POMT2: variants seen among roughly 807,000 people sequenced by gnomAD.
POMT2 encodes protein O-mannosyl-transferase 2.
A neutral mutation model predicts 100.0 loss-of-function variants in POMT2; 75 were observed. The ratio of observed to expected loss-of-function variants is 0.75; its 90% CI spans 0.62 to 0.91. The LOEUF is 0.91. Ranked by LOEUF, POMT2 falls within the 40% of genes least tolerant of loss-of-function variation. The pLI is 0.00. For missense variants in POMT2, 940 were observed against 955.1 expected (o/e 0.98, Z 0.21); for synonymous variants, 378 against 374.1 (o/e 1.01, Z -0.12).
chr14:77,285,448 C>G (rs1414892777), intron 13 of POMT2, 33 bp downstream of exon 13: 1 of 1,613,774 alleles, frequency 6.2e-7, no homozygotes, highest in African/African-American at 1.3e-5. Context: ...AATCAGGACC[C>G]TCGATTGGGA....
chr14:77,300,932 G>A (rs2139479546), intron 6 of POMT2, 158 bp downstream of exon 6: 1 of 1,366,538 alleles, frequency 7.3e-7, no homozygotes. Flanking sequence ...CCCACTCCCT[G>A]ATGTCCTGCT....
At chr14:77,313,807 A>C (rs191348874) in intron 1 of POMT2, among the ~76,000 whole-genome samples, 1 of 152,298 alleles carries the variant, frequency 6.6e-6, no homozygotes, top group Admixed American at 6.5e-5. Flanking sequence ...TCCCGGGTTC[A>C]AGCGATTCTC....
intron 9 of POMT2, among the ~76,000 whole-genome samples, chr14:77,292,976 TG>T (rs1430272025): frequency 1.3e-5 from 2 of 152,210 alleles, no homozygotes; most frequent in Non-Finnish European, 2.9e-5. Context: ...ATCCCCCCGA[TG>T]CATGACTGTA....
rs765701628 is a variant in POMT2, at chr14:77,306,755, C to T, written c.334-314G>A. 10 of 352,526 alleles carry T rather than the reference C, an allele frequency of 2.8e-5. No individual in the cohort carries two copies. The East Asian group carries it at 2.9e-4, about 10-fold the overall frequency. 21.8% of individuals were successfully genotyped at this position (352,526 alleles called of 1,614,324 possible). A position where few individuals can be genotyped will look rare whatever the true frequency, so the allele number is the denominator to read the frequency against. On this transcript the variant is annotated intron_variant, in intron 2 of 20. Coordinates refer to ENST00000261534, the MANE Select transcript of POMT2 (RefSeq NM_013382.7). ...GAGTCAGTAAGGGGCTCTCTGATTC[C>T]GCTTTCCTTCAGATGGTATAAAATA...
Position 77,304,748 on chromosome 14 carries a change from A to C in POMT2, c.491T>G (p.Leu164Arg). 1 of 1,601,698 alleles carries C rather than the reference A, an allele frequency of 6.2e-7. No homozygotes were observed. Residue 164 changes from leucine (L) to arginine (R), a missense_variant, in exon 4 of 21, where the codon CTG becomes CGG. Leu to Arg is a moderately radical substitution (Grantham distance 102). Coordinates refer to ENST00000261534, the MANE Select transcript of POMT2 (RefSeq NM_013382.7). ...WLVPFAYLTV[L>R]DLSKSLSAAL... ...TGCCGAGAGGGACTTGGACAGATCC[A>C]GTACAGTGAGGTAGGCAAAGGGGAC...
At chr14:77,293,882 A>T (rs942984068) in intron 9 of POMT2, among the ~76,000 whole-genome samples, 3 of 151,560 alleles carry the variant, frequency 2.0e-5, no homozygotes, top group Non-Finnish European at 4.4e-5. Context: ...CCAGGTCTGT[A>T]ACTGTAGTGT....
chr14:77,280,997 G>C (rs890524376), intron 15 of POMT2, among the ~76,000 whole-genome samples: 1 of 152,090 alleles, frequency 6.6e-6, no homozygotes, highest in Non-Finnish European at 1.5e-5. Context: ...GGGAGGCTGA[G>C]GCAGGAGAAC....
chr14:77,279,236 TGAGGATG>T, intron 18 of POMT2: 1 of 388,064 alleles, frequency 2.6e-6, no homozygotes, highest in South Asian at 2.1e-5. Context: ...AGGTTACAGG[TGAGGATG>T]GAGTGAGGAG....
At chr14:77,282,365 C>T (rs1405651520) in intron 15 of POMT2, among the ~76,000 whole-genome samples, 2 of 152,186 alleles carry the variant, frequency 1.3e-5, no homozygotes, top group Non-Finnish European at 2.9e-5. Context: ...CAGCCTTCTC[C>T]TCCAGGTCCC....
At position 77,275,062 on chromosome 14, in the gene POMT2, A is replaced by G. The variant is rs1594879669; in HGVS notation, c.*2314T>C. ...AGCTGGCTGGAGGTTGAATTGGCTG[A>G]CGAACATCTTCTTCCTCCACCAGCA... On this transcript the variant is annotated 3_prime_UTR_variant, in exon 21 of 21. Transcript: ENST00000261534. 1 of 152,160 alleles carries G rather than the reference A, an allele frequency of 6.6e-6. No individual in the cohort carries two copies. The highest frequency in any genetic ancestry group is 6.5e-5 in the Admixed American group (1 of 15,274). The allele number at this position is 152,160 out of a possible 1,614,324, so 9.4% of individuals were successfully genotyped here.
chr14:77,311,992 A>G lies in POMT2; in HGVS notation c.290T>C (p.Ile97Thr). The stretch of plus-strand genomic sequence containing the variant: ...CACATCAAAGAAAAATGTACGGTTG[A>G]TATAGTAACTTCCCATTTTTCCAAA... ...THFGKMGSYY[I>T]NRTFFFDVHP... Residue 97 changes from isoleucine to threonine, a missense_variant, in exon 2 of 21, where the codon ATC (isoleucine) becomes ACC (threonine). Ile to Thr is a moderately conservative substitution (Grantham distance 89). Transcript: ENST00000261534. 1 of 1,614,156 alleles carries G rather than the reference A, an allele frequency of 6.2e-7. No homozygotes were observed. Among genetic ancestry groups the G allele is most frequent in the South Asian group, 1.1e-5 (1 of 91,074 alleles).
At position 77,282,376 on chromosome 14, in the gene POMT2, G is replaced by A. The variant is rs111510704; in HGVS notation, c.1653+1421C>T. On this transcript the variant is annotated intron_variant, in intron 15 of 20. Coordinates refer to ENST00000261534, the MANE Select transcript of POMT2 (RefSeq NM_013382.7). ...AAGGCAGCCTTCTCCTCCAGGTCCC[G>A]GGCCACTACTCAGCCAGCGGAAGAG... is the stretch of plus-strand genomic sequence containing the variant. Among the ~76,000 whole-genome samples the A allele has an allele frequency of 1.3e-4, 20 of 152,234 alleles. No individual in the cohort carries two copies. In the East Asian group the frequency reaches 2.1e-3, roughly 16 times the overall value.
chr14:77,298,580 G>A (rs548820968), intron 8 of POMT2, 109 bp downstream of exon 8: 49 of 1,147,004 alleles, frequency 4.3e-5, no homozygotes, highest in African/African-American at 3.1e-4. Context: ...TTCTCCCACC[G>A]TGCCATCACA....
chr14:77,314,797 T>C (rs1475967732), intron 1 of POMT2, among the ~76,000 whole-genome samples: 1 of 152,178 alleles, frequency 6.6e-6, no homozygotes, highest in Admixed American at 6.5e-5. Flanking sequence ...TCTCCAACGG[T>C]GCGGCAATAG....
In POMT2 at chr14:77,301,144, C is replaced by A. The variant is rs1457542706; in HGVS notation, c.762G>T (p.Gly254=). 2.5e-6 allele frequency: 4 copies of A among 1,614,240 alleles called. No individual in the cohort carries two copies. In the Admixed American group the frequency reaches 5.0e-5, roughly 20 times the overall value. ...ACCAAAGGTCTGCAATGGTGTTCAG[C>A]CCCACTTGAAGGATGATAAAGAGGC... ...FVGLFIILQV[G]LNTIADLWYL... Residue 254 remains glycine, a synonymous_variant, in exon 6 of 21, where the codon GGG becomes GGT. Transcript: ENST00000261534.
Position 77,302,852 on chromosome 14 carries a change from G to A in POMT2, c.639C>T (p.Tyr213=), listed in dbSNP as rs764878423. ...IMAAMLSMVK[Y]NSCADRPFSA... is the part of the protein sequence containing the mutation. The stretch of plus-strand genomic sequence containing the variant: ...TTTCTGACCTGTCGGCGCAAGAGTT[G>A]TACTTGACCATGCTCAGCATGGCAG... The change falls in exon 5 of 21, where the codon TAC becomes TAT. Residue 213 remains tyrosine (Y), a synonymous_variant. Coordinates refer to ENST00000261534, the MANE Select transcript of POMT2 (RefSeq NM_013382.7). The A allele has an allele frequency of 6.2e-7, 1 of 1,612,602 alleles. No individual in the cohort carries two copies. Among genetic ancestry groups the A allele is most frequent in the Non-Finnish European group, 8.5e-7 (1 of 1,178,656 alleles).
In POMT2 at chr14:77,307,182, G is replaced by A. The variant is rs139551797; in HGVS notation, c.334-741C>T. Among the ~76,000 whole-genome samples, 3 of 152,346 alleles carry A rather than the reference G, an allele frequency of 2.0e-5. No homozygotes were observed. The East Asian group carries it at 5.8e-4, about 29-fold the overall frequency. On this transcript the variant is annotated intron_variant, in intron 2 of 20. Coordinates refer to ENST00000261534, the MANE Select transcript of POMT2 (RefSeq NM_013382.7). ...TTCACACAAGCAATCAGAAGCAGCT[G>A]AAGTATAAAAACTGCTGGCAAATGC...
Position 77,299,499 on chromosome 14 carries a change from G to C in POMT2, c.879C>G (p.Leu293=), listed in dbSNP as rs2139473776. Residue 293 remains leucine (L), a synonymous_variant, in exon 7 of 21, where the codon CTC becomes CTG. Transcript: ENST00000261534. ...VLCLIVLPLA[L]YTATFAVHFM... ...AGTGAACAGCAAAGGTGGCTGTATA[G>C]AGAGCCAGGGGCAGCACTATGAGGC... 1 of 1,614,094 alleles carries C rather than the reference G, an allele frequency of 6.2e-7. No individual in the cohort carries two copies. The highest frequency in any genetic ancestry group is 1.7e-5 in the Admixed American group (1 of 60,026).
chr14:77,289,974 A>G (rs749843759), intron 10 of POMT2, among the ~76,000 whole-genome samples: 1 of 152,208 alleles, frequency 6.6e-6, no homozygotes, highest in Non-Finnish European at 1.5e-5. Context: ...CAGAGAACTC[A>G]ACCGCAGAGA....
Sources: allele counts gnomAD v4.1 joint callset (sites outside exome capture counted in the v4.1 genomes callset), GRCh38; gene constraint gnomAD v4.1.1; transcripts MANE v1.5; gene names NCBI Gene and HGNC (gene_info 2026-07-23, HGNC 2026-07-21).